Variants in CHRM3 observed in about 807,000 individuals in gnomAD.
The protein encoded by CHRM3 is cholinergic receptor muscarinic 3.
CHRM3 carries 11 observed loss-of-function variants against 41.8 expected under a neutral mutation model. That is an observed-to-expected ratio of 0.26 (90% CI 0.17 to 0.44). The LOEUF (loss-of-function observed/expected upper bound fraction) is 0.44, where lower values mean the gene tolerates loss of function less well. CHRM3 is among the 20% of genes least tolerant of loss of function. CHRM3 has a pLI of 1.00. For synonymous variants in CHRM3, 297 were observed against 301.4 expected, an observed-to-expected ratio of 0.99 and a Z score of 0.15; for missense variants, 571 against 745.4, an observed-to-expected ratio of 0.77 and a Z score of 2.72.
intron 5 of CHRM3, among the ~76,000 whole-genome samples, chr1:239,757,580 AGATCGCGCCACTGCAC>A (rs1193132335): frequency 6.6e-6 from 1 of 151,524 alleles, no homozygotes; most frequent in Non-Finnish European, 1.5e-5. Flanking sequence ...CAGTGAGCCG[AGATCGCGCCACTGCAC>A]GCCAGCCTGG....
intron 2 of CHRM3, among the ~76,000 whole-genome samples, chr1:239,531,922 G>A (rs563494121): frequency 6.6e-6 from 1 of 150,600 alleles, no homozygotes; most frequent in East Asian, 2.0e-4. Flanking sequence ...GCCTCCCAAT[G>A]TGCTGGGATT....
intron 5 of CHRM3, among the ~76,000 whole-genome samples, chr1:239,687,660 G>T (rs1659275466): frequency 6.6e-6 from 1 of 152,092 alleles, no homozygotes; most frequent in Non-Finnish European, 1.5e-5. Context: ...GCCACGTGCT[G>T]CATAATGATG....
At chr1:239,516,142 A>G (rs1299107435) in intron 2 of CHRM3, among the ~76,000 whole-genome samples, 1 of 152,148 alleles carries the variant, frequency 6.6e-6, no homozygotes, top group South Asian at 2.1e-4. Context: ...TAGTCCTGCT[A>G]GTGTAATTTT....
chr1:239,869,663 C>T (rs573555874), intron 6 of CHRM3, among the ~76,000 whole-genome samples: 5 of 152,260 alleles, frequency 3.3e-5, no homozygotes, highest in African/African-American at 1.2e-4. Context: ...TCTGACCCCC[C>T]CAGAGCTTAT....
chr1:239,414,809 C>A (rs1424174461), intron 1 of CHRM3, among the ~76,000 whole-genome samples: 1 of 152,200 alleles, frequency 6.6e-6, no homozygotes, highest in African/African-American at 2.4e-5. Context: ...CAGTTTGACT[C>A]TTTGATACAG....
At chr1:239,710,977 A>G (rs1661719624) in intron 5 of CHRM3, among the ~76,000 whole-genome samples, 1 of 151,886 alleles carries the variant, frequency 6.6e-6, no homozygotes, top group African/African-American at 2.4e-5. Context: ...CTGAGTTTTC[A>G]AAACTATTTG....
At chr1:239,516,336 C>T (rs938081635) in intron 2 of CHRM3, among the ~76,000 whole-genome samples, 72 of 152,238 alleles carry the variant, frequency 4.7e-4, no homozygotes, top group African/African-American at 1.7e-3. Context: ...TCTGACCTTC[C>T]GCTTCTCTGT....
At chr1:239,750,166 C>T (rs1665691407) in intron 5 of CHRM3, among the ~76,000 whole-genome samples, 2 of 152,130 alleles carry the variant, frequency 1.3e-5, no homozygotes, top group Non-Finnish European at 2.9e-5. Flanking sequence ...GCACTTGTAA[C>T]TCAGCAGTAG....
intron 3 of CHRM3, among the ~76,000 whole-genome samples, chr1:239,580,704 T>TATATATATATATACAC (rs570878631): frequency 2.5e-4 from 33 of 131,066 alleles, no homozygotes; most frequent in African/African-American, 9.4e-4. Context: ...TATATATATA[T>TATATATATATATACAC]ACACACACAC....
intron 1 of CHRM3, among the ~76,000 whole-genome samples, chr1:239,407,417 TAGAGAGAG>T (rs67319486): frequency 2.2e-5 from 3 of 134,124 alleles, no homozygotes; most frequent in Non-Finnish European, 3.4e-5. Flanking sequence ...TATATATATA[TAGAGAGAG>T]AGAGAGAGAG....
At chr1:239,415,095 A>G (rs1005761149) in intron 1 of CHRM3, among the ~76,000 whole-genome samples, 3 of 152,228 alleles carry the variant, frequency 2.0e-5, no homozygotes, top group Admixed American at 2.0e-4. Context: ...AAAGTAACAA[A>G]CAAATCACAT....
chr1:239,637,202 T>C (rs114971848), intron 4 of CHRM3, among the ~76,000 whole-genome samples: 300 of 152,232 alleles, frequency 2.0e-3, no homozygotes, highest in African/African-American at 6.7e-3. Context: ...TCAAAGTCTT[T>C]TGTTTGGTTT....
chr1:239,386,836 G>A lies in CHRM3; in HGVS notation c.-912G>A, dbSNP rs922060611. 1 of 152,176 alleles carries A rather than the reference G, an allele frequency of 6.6e-6. No individual in the cohort carries two copies. Among genetic ancestry groups the A allele is most frequent in the Admixed American group, 6.5e-5 (1 of 15,278 alleles). 9.4% of individuals were successfully genotyped at this position (152,176 alleles called of 1,614,324 possible). A position where few individuals can be genotyped will look rare whatever the true frequency, so the allele number is the denominator to read the frequency against. ...TGAACAGAAAGGGCCGGAGCGTGCA[G>A]GGGAGCACAGGGCGCGGGGGCGGCA... On this transcript the variant is annotated 5_prime_UTR_variant, in exon 1 of 7. Coordinates refer to ENST00000676153, the MANE Select transcript of CHRM3 (RefSeq NM_001375978.1).
At chr1:239,486,649 A>G (rs1286257295) in intron 1 of CHRM3, among the ~76,000 whole-genome samples, 2 of 152,040 alleles carry the variant, frequency 1.3e-5, no homozygotes, top group African/African-American at 4.8e-5. Flanking sequence ...AAAGAGTGTG[A>G]TTGTGTTCTA....
chr1:239,441,732 G>A (rs1472169663), intron 1 of CHRM3, among the ~76,000 whole-genome samples: 2 of 142,764 alleles, frequency 1.4e-5, no homozygotes, highest in South Asian at 2.1e-4. Context: ...AAAGGCTTTT[G>A]CCAATTTTTT....
At chr1:239,851,495 A>C (rs985809242) in intron 6 of CHRM3, among the ~76,000 whole-genome samples, 7 of 152,188 alleles carry the variant, frequency 4.6e-5, no homozygotes, top group African/African-American at 7.2e-5. Context: ...CTTTGAGAAG[A>C]AGCTGTTGCA....
chr1:239,578,263 G>A (rs1289182053), intron 3 of CHRM3, among the ~76,000 whole-genome samples: 1 of 152,120 alleles, frequency 6.6e-6, no homozygotes, highest in Non-Finnish European at 1.5e-5. Flanking sequence ...TTGTGGCTTT[G>A]CAGTTAATTG....
At chr1:239,790,274 T>A (rs1669233686) in intron 5 of CHRM3, among the ~76,000 whole-genome samples, 1 of 152,164 alleles carries the variant, frequency 6.6e-6, no homozygotes, top group African/African-American at 2.4e-5. Context: ...ACATGAGATT[T>A]GGGAGGGACC....
At chr1:239,551,170 T>TG (rs1659781072) in intron 3 of CHRM3, among the ~76,000 whole-genome samples, 4 of 145,348 alleles carry the variant, frequency 2.8e-5, no homozygotes, top group Non-Finnish European at 4.5e-5. Flanking sequence ...TTTTTTTTTT[T>TG]TGAGAGAGGG....
Sources: gnomAD v4.1 joint callset for allele counts (sites outside exome capture counted in the v4.1 genomes callset) on GRCh38, gnomAD v4.1.1 for gene constraint, MANE v1.5 for transcripts, NCBI Gene and HGNC (gene_info 2026-07-23, HGNC 2026-07-21) for gene names.